The following MARCHF8 variants were observed in gnomAD, a reference collection of about 807,000 sequenced individuals.
The protein encoded by MARCHF8 is E3 ubiquitin-protein ligase MARCHF8.
A neutral mutation model predicts 51.6 loss-of-function variants in MARCHF8; 40 were observed. That is an observed-to-expected ratio of 0.77 (90% CI 0.60 to 1.01). The LOEUF (loss-of-function observed/expected upper bound fraction) is 1.01. Ranked by LOEUF, MARCHF8 falls within the 50% of genes least tolerant of loss-of-function variation. The pLI is 0.00. For missense variants in MARCHF8, 685 were observed against 708.6 expected, an observed-to-expected ratio of 0.97 and a Z score of 0.38; for synonymous variants, 263 against 280.3, an observed-to-expected ratio of 0.94 and a Z score of 0.62.
chr10:45,546,781 CA>C (rs35226792), intron 1 of MARCHF8, among the ~76,000 whole-genome samples: 328 of 112,554 alleles, frequency 2.9e-3, no homozygotes, highest in East Asian at 0.015. Flanking sequence ...GAACCTGTCT[CA>C]AAAAAAAAAA....
intron 1 of MARCHF8, among the ~76,000 whole-genome samples, chr10:45,534,405 A>G (rs1160148521): frequency 1.3e-5 from 2 of 152,160 alleles, no homozygotes. Flanking sequence ...ATAACAGTGT[A>G]TGCATAAACT....
In MARCHF8 at chr10:45,487,526, G is replaced by C. The variant is rs559197081; in HGVS notation, c.153+1841C>G. Among the ~76,000 whole-genome samples, 243 of 152,304 alleles carry C rather than the reference G, an allele frequency of 1.6e-3. 4 individuals carry two copies. In the South Asian group the frequency reaches 0.025, roughly 16 times the overall value. On this transcript the variant is annotated intron_variant, in intron 3 of 7. Coordinates refer to ENST00000453424, the MANE Select transcript of MARCHF8 (RefSeq NM_001282866.2). ...TTTCTCCGTGCTTAGACACTGATTA[G>C]CTCCTTTAAAAGGTGCAAAAATGGG...
upstream of MARCHF8, among the ~76,000 whole-genome samples, chr10:45,538,531 A>AT (rs1313978702): frequency 6.6e-6 from 1 of 152,242 alleles, no homozygotes; most frequent in Non-Finnish European, 1.5e-5. Flanking sequence ...CAAATTGGAT[A>AT]AAGAGTCAAG....
At chr10:45,588,270 C>G (rs2044639419) in intron 1 of MARCHF8, among the ~76,000 whole-genome samples, 1 of 151,946 alleles carries the variant, frequency 6.6e-6, no homozygotes, top group Admixed American at 6.6e-5. Context: ...AACATTTCTT[C>G]AACTGAAGAA....
chr10:45,575,626 C>A (rs2044480638), intron 1 of MARCHF8, among the ~76,000 whole-genome samples: 1 of 152,122 alleles, frequency 6.6e-6, no homozygotes, highest in Non-Finnish European at 1.5e-5. Flanking sequence ...TCCATACCAG[C>A]CCCAAAAATT....
At chr10:45,529,317 G>C (rs916365380) in intron 2 of MARCHF8, among the ~76,000 whole-genome samples, 1 of 152,166 alleles carries the variant, frequency 6.6e-6, no homozygotes, top group African/African-American at 2.4e-5. Flanking sequence ...ACTTAAGATG[G>C]ATTAAAGACC....
chr10:45,554,830 G>A (rs1050843754), intron 1 of MARCHF8, among the ~76,000 whole-genome samples: 6 of 152,186 alleles, frequency 3.9e-5, no homozygotes, highest in African/African-American at 1.4e-4. Flanking sequence ...CAAGACTAGC[G>A]GATTGCCTGA....
chr10:45,463,995 A>G lies in MARCHF8; in HGVS notation c.244T>C (p.Ser82Pro). The G allele has an allele frequency of 6.5e-7, 1 of 1,534,010 alleles. No individual in the cohort carries two copies. The highest frequency in any genetic ancestry group is 8.7e-7 in the Non-Finnish European group (1 of 1,145,924). Residue 82 changes from serine (S) to proline (P), a missense_variant and splice_region_variant, in exon 5 of 8, where the codon TCC (serine) becomes CCC (proline). Transcript: ENST00000453424. ...ITPSSQDICSSSAVFSECCHH... is the reference protein window; with the variant it reads ...ITPSSQDICSPSAVFSECCHH... ...CAACACTCAGAAAACACTGCACTGGAACTGCATGCAGAACAGTGGGATAAA... is the reference window on the plus strand; with the variant it reads ...CAACACTCAGAAAACACTGCACTGGGACTGCATGCAGAACAGTGGGATAAA...
chr10:45,582,099 G>T (rs2044562395), intron 1 of MARCHF8, among the ~76,000 whole-genome samples: 1 of 152,236 alleles, frequency 6.6e-6, no homozygotes, highest in East Asian at 1.9e-4. Flanking sequence ...AGGCCAAAAG[G>T]TTAGAGAAGC....
In MARCHF8 at chr10:45,489,884, C is replaced by G. The variant is rs114126363; in HGVS notation, c.103-467G>C. ...AGCTGACCAGTCCTGGGGTGTCTGG[C>G]TAACAAAGTGCTGAATACTCAATCG... On this transcript the variant is annotated intron_variant, in intron 2 of 7. Transcript: ENST00000453424. 5.6e-3 allele frequency among the ~76,000 whole-genome samples: 857 copies of G among 152,240 alleles called. 10 individuals carry two copies. Among genetic ancestry groups the G allele is most frequent in the African/African-American group, 0.02 (820 of 41,532 alleles).
intron 3 of MARCHF8, among the ~76,000 whole-genome samples, chr10:45,464,590 T>C (rs1842907773): frequency 6.6e-6 from 1 of 152,252 alleles, no homozygotes; most frequent in Non-Finnish European, 1.5e-5. Flanking sequence ...TGGCCGTTTA[T>C]TTTCTAAGCA....
intron 3 of MARCHF8, among the ~76,000 whole-genome samples, chr10:45,482,352 C>T (rs1230585449): frequency 6.6e-6 from 1 of 152,138 alleles, no homozygotes; most frequent in Non-Finnish European, 1.5e-5. Context: ...GCACAAATAG[C>T]CAAAACAATC....
chr10:45,564,826 G>C (rs1206566514), intron 1 of MARCHF8, among the ~76,000 whole-genome samples: 3 of 151,114 alleles, frequency 2.0e-5, no homozygotes, highest in Non-Finnish European at 4.4e-5. Context: ...AGGAAGTAAT[G>C]CAACAACATC....
At chr10:45,568,051 T>C (rs2044384356) in intron 1 of MARCHF8, among the ~76,000 whole-genome samples, 1 of 152,206 alleles carries the variant, frequency 6.6e-6, no homozygotes, top group Admixed American at 6.5e-5. Context: ...CCAAATGGGA[T>C]ACTTTTTTAT....
chr10:45,487,752 C>G (rs942271794), intron 3 of MARCHF8, among the ~76,000 whole-genome samples: 1 of 151,944 alleles, frequency 6.6e-6, no homozygotes, highest in Non-Finnish European at 1.5e-5. Context: ...AGAAGGTTTG[C>G]CAGAGTTTAC....
intron 2 of MARCHF8, among the ~76,000 whole-genome samples, chr10:45,531,321 T>A (rs1368130077): frequency 6.6e-6 from 1 of 152,098 alleles, no homozygotes; most frequent in African/African-American, 2.4e-5. Context: ...CTGAAAGAAG[T>A]CATTGTCAGC....
upstream of MARCHF8, among the ~76,000 whole-genome samples, chr10:45,536,774 C>A (rs1459882873): frequency 6.6e-6 from 1 of 150,430 alleles, no homozygotes; most frequent in East Asian, 1.9e-4. Flanking sequence ...GGTGGGAGGA[C>A]TGCTTCAGGC....
rs1490547888 is a variant in MARCHF8 at position 45,527,022 on chromosome 10, T to C, written c.102+6088A>G. On this transcript the variant is annotated intron_variant, in intron 2 of 7. Transcript: ENST00000453424. Reference sequence around the variant, plus strand: ...AAATTAACCTGCTCTTGAATGATTTTTGGGTCAGTGATGAAATTAAGATGG... The same window carrying C: ...AAATTAACCTGCTCTTGAATGATTTCTGGGTCAGTGATGAAATTAAGATGG... Among the ~76,000 whole-genome samples the C allele has an allele frequency of 2.0e-5, 3 of 152,210 alleles. No homozygotes were observed. The South Asian group carries it at 6.2e-4, about 32-fold the overall frequency.
At chr10:45,517,167 T>C (rs1337882048) in intron 2 of MARCHF8, among the ~76,000 whole-genome samples, 1 of 152,204 alleles carries the variant, frequency 6.6e-6, no homozygotes, top group African/African-American at 2.4e-5. Context: ...GTGAATCCAC[T>C]AGCACTTAAC....
Sources: gnomAD v4.1 joint callset for allele counts (sites outside exome capture counted in the v4.1 genomes callset) on GRCh38, gnomAD v4.1.1 for gene constraint, MANE v1.5 for transcripts, NCBI Gene and HGNC (gene_info 2026-07-23, HGNC 2026-07-21) for gene names.